Variants in HMGCLL1 observed in about 807,000 individuals in gnomAD.
HMGCLL1 encodes 3-hydroxy-3-methylglutaryl-CoA lyase like 1.
In HMGCLL1, 36 loss-of-function variants were observed where a neutral mutation model predicts 39.1. The observed-to-expected ratio is 0.92, with a 90% confidence interval of 0.71 to 1.22. HMGCLL1 has a LOEUF of 1.22. HMGCLL1 is among the 50% of genes most tolerant of loss of function. The pLI is 0.00. For synonymous variants in HMGCLL1, 149 were observed against 144.0 expected, an observed-to-expected ratio of 1.03 and a Z score of -0.25; for missense variants, 451 against 416.5, an observed-to-expected ratio of 1.08 and a Z score of -0.72.
At chr6:55,526,615 A>AT (rs553829107) in intron 3 of HMGCLL1, among the ~76,000 whole-genome samples, 8 of 151,888 alleles carry the variant, frequency 5.3e-5, no homozygotes, top group East Asian at 1.9e-4. Flanking sequence ...TTGAATTGTG[A>AT]TTTTTTTCCC....
intron 7 of HMGCLL1, among the ~76,000 whole-genome samples, chr6:55,469,770 A>G (rs1198636830): frequency 6.6e-6 from 1 of 151,778 alleles, no homozygotes; most frequent in Admixed American, 6.6e-5. Flanking sequence ...ATGCAGGTGC[A>G]TATTCATCTT....
At chr6:55,498,552 A>C (rs1308383779) in intron 6 of HMGCLL1, among the ~76,000 whole-genome samples, 1 of 152,128 alleles carries the variant, frequency 6.6e-6, no homozygotes, top group Non-Finnish European at 1.5e-5. Flanking sequence ...AAAATTAATA[A>C]ATTTGTCAAA....
the HMGCLL1 span, among the ~76,000 whole-genome samples, chr6:55,591,790 T>C: frequency 1.3e-5 from 2 of 151,734 alleles, no homozygotes; most frequent in East Asian, 3.9e-4. Flanking sequence ...AATGATTGAA[T>C]AATGGAATCC....
chr6:55,650,752 A>G, the HMGCLL1 span, among the ~76,000 whole-genome samples: 1 of 152,068 alleles, frequency 6.6e-6, no homozygotes, highest in Non-Finnish European at 1.5e-5. Flanking sequence ...TCAAACCACT[A>G]TACAAAGTTT....
rs1373398959 is a variant in HMGCLL1, at chr6:55,542,873, A to G, written c.109-733T>C. ...AATATATATATATTTATATATTTTT[A>G]TATTTTTATATATTTATATATTTAG... On this transcript the variant is annotated intron_variant, in intron 1 of 8. Coordinates refer to ENST00000274901, the MANE Select transcript of HMGCLL1 (RefSeq NM_001042406.2). 1.8e-4 allele frequency among the ~76,000 whole-genome samples: 25 copies of G among 136,196 alleles called. 1 individual carries two copies. The highest frequency in any genetic ancestry group is 6.3e-4 in the African/African-American group (23 of 36,582). The allele number at this position is 136,196 out of a possible 152,430, so 89.3% of individuals were successfully genotyped here.
chr6:55,655,554 A>AGATAGATAGATAGAT, the HMGCLL1 span, among the ~76,000 whole-genome samples: 1 of 151,624 alleles, frequency 6.6e-6, no homozygotes, highest in African/African-American at 2.4e-5. Context: ...ATAGATAGAT[A>AGATAGATAGATAGAT]GATAGATAGA....
At chr6:55,546,026 C>T (rs1769946165) in intron 1 of HMGCLL1, among the ~76,000 whole-genome samples, 1 of 152,056 alleles carries the variant, frequency 6.6e-6, no homozygotes, top group Non-Finnish European at 1.5e-5. Context: ...TGCCCTTTGC[C>T]TTAGAGAGAG....
intron 3 of HMGCLL1, among the ~76,000 whole-genome samples, chr6:55,532,804 CATAATAATAATAATAATAATA>C (rs201080387): frequency 1.8e-4 from 13 of 71,562 alleles, no homozygotes; most frequent in South Asian, 7.2e-4. Context: ...CTGTCTCAAA[CATAATAATAATAATAATAATA>C]ATAATAATAA....
At chr6:55,492,903 TAGAC>T (rs943923330) in intron 7 of HMGCLL1, among the ~76,000 whole-genome samples, 3 of 151,898 alleles carry the variant, frequency 2.0e-5, no homozygotes, top group East Asian at 1.9e-4. Flanking sequence ...TCCTGACAAT[TAGAC>T]AGACAGTCTA....
At chr6:55,677,244 G>A in the HMGCLL1 span, among the ~76,000 whole-genome samples, 1 of 152,062 alleles carries the variant, frequency 6.6e-6, no homozygotes, top group East Asian at 1.9e-4. Context: ...AAAACAATTA[G>A]CCAGGCATGA....
chr6:55,676,457 C>A, the HMGCLL1 span, among the ~76,000 whole-genome samples: 1 of 152,138 alleles, frequency 6.6e-6, no homozygotes, highest in African/African-American at 2.4e-5. Flanking sequence ...ATGCTAAGTT[C>A]ATTAAATGGC....
intron 7 of HMGCLL1, among the ~76,000 whole-genome samples, chr6:55,479,751 A>T (rs1035250652): frequency 6.6e-6 from 1 of 151,732 alleles, no homozygotes; most frequent in Non-Finnish European, 1.5e-5. Context: ...GAAAGTTAAT[A>T]GCAAATGTCT....
chr6:55,657,389 C>T, the HMGCLL1 span, among the ~76,000 whole-genome samples: 1 of 151,898 alleles, frequency 6.6e-6, no homozygotes, highest in Non-Finnish European at 1.5e-5. Context: ...AGGAAGGGGT[C>T]CAGTTTCAAT....
chr6:55,531,921 G>A (rs996922354), intron 3 of HMGCLL1, among the ~76,000 whole-genome samples: 3 of 152,046 alleles, frequency 2.0e-5, no homozygotes, highest in African/African-American at 7.2e-5. Flanking sequence ...CTACATTATA[G>A]TGAGTTGTAT....
intron 7 of HMGCLL1, among the ~76,000 whole-genome samples, chr6:55,456,686 T>G (rs375785186): frequency 3.9e-5 from 6 of 152,156 alleles, no homozygotes. Flanking sequence ...ATATTTTCTT[T>G]GTGTCCTCCA....
At chr6:55,584,226 C>A in the HMGCLL1 span, among the ~76,000 whole-genome samples, 1 of 152,118 alleles carries the variant, frequency 6.6e-6, no homozygotes, top group Non-Finnish European at 1.5e-5. Context: ...TTGAAATTTT[C>A]TCTGAGTATT....
At chr6:55,646,700 T>C in the HMGCLL1 span, among the ~76,000 whole-genome samples, 1 of 152,148 alleles carries the variant, frequency 6.6e-6, no homozygotes, top group East Asian at 1.9e-4. Context: ...TTTGTATAGC[T>C]GCAAAAATTC....
At chr6:55,542,743 C>G (rs1769523264) in intron 1 of HMGCLL1, among the ~76,000 whole-genome samples, 1 of 149,036 alleles carries the variant, frequency 6.7e-6, no homozygotes, top group African/African-American at 2.5e-5. Context: ...CGTGCCATTG[C>G]ACTCCAGCCT....
At chr6:55,471,457 A>T (rs980280947) in intron 7 of HMGCLL1, among the ~76,000 whole-genome samples, 3 of 151,790 alleles carry the variant, frequency 2.0e-5, no homozygotes, top group Non-Finnish European at 4.4e-5. Context: ...TAGAGTACAC[A>T]TGTGCACAAA....
Sources: allele counts gnomAD v4.1 joint callset (sites outside exome capture counted in the v4.1 genomes callset), GRCh38; gene constraint gnomAD v4.1.1; transcripts MANE v1.5; gene names NCBI Gene and HGNC (gene_info 2026-07-23, HGNC 2026-07-21).